The following PACSIN2 variants were observed in gnomAD, a reference collection of about 807,000 sequenced individuals.
PACSIN2 encodes protein kinase C and casein kinase substrate in neurons protein 2.
In PACSIN2, 25 loss-of-function variants were observed where a neutral mutation model predicts 63.8. The ratio of observed to expected loss-of-function variants is 0.39; its 90% CI spans 0.29 to 0.55. The LOEUF is 0.55. Among genes scored for constraint, PACSIN2 ranks in the 20% least tolerant of loss-of-function variants. The pLI, the probability that PACSIN2 is intolerant of heterozygous loss-of-function variation, is 0.62. For missense variants in PACSIN2, 518 were observed against 646.9 expected (o/e 0.80, Z 2.16); for synonymous variants, 255 against 256.2 (o/e 1.00, Z 0.05).
chr22:42,914,762 G>A (rs1931701988), intron 1 of PACSIN2, among the ~76,000 whole-genome samples: 1 of 152,240 alleles, frequency 6.6e-6, no homozygotes. Context: ...CGGACTGAGA[G>A]GCAGCTTGAC....
chr22:42,883,875 A>G (rs191529712), intron 6 of PACSIN2, among the ~76,000 whole-genome samples: 20 of 152,272 alleles, frequency 1.3e-4, no homozygotes, highest in Middle Eastern at 3.4e-3. Context: ...GTGGTGGCGC[A>G]TGCCTGTAAT....
At chr22:42,881,723 C>T (rs1020628951) in intron 7 of PACSIN2, among the ~76,000 whole-genome samples, 1 of 152,184 alleles carries the variant, frequency 6.6e-6, no homozygotes, top group South Asian at 2.1e-4. Context: ...GAATTTACTG[C>T]CTGGAGTAGG....
At chr22:42,892,387 C>T (rs936257882) in intron 3 of PACSIN2, among the ~76,000 whole-genome samples, 1 of 152,156 alleles carries the variant, frequency 6.6e-6, no homozygotes, top group Non-Finnish European at 1.5e-5. Context: ...CAACAGAGAA[C>T]AGCCCCGGAA....
intron 7 of PACSIN2, among the ~76,000 whole-genome samples, chr22:42,879,658 G>A (rs909441412): frequency 5.3e-5 from 8 of 152,274 alleles, no homozygotes; most frequent in South Asian, 2.1e-4. Flanking sequence ...CCTTTGCGTC[G>A]ATGCCCTAAA....
chr22:42,980,509 T>TCCCTCC (rs1457504465), intron 1 of PACSIN2, among the ~76,000 whole-genome samples: 1 of 66,802 alleles, frequency 1.5e-5, no homozygotes, highest in Non-Finnish European at 3.0e-5. Flanking sequence ...CCTCTCCCTC[T>TCCCTCC]CCCTCCACGG....
chr22:42,934,819 C>G (rs1932859827), intron 1 of PACSIN2, among the ~76,000 whole-genome samples: 1 of 152,218 alleles, frequency 6.6e-6, no homozygotes, highest in African/African-American at 2.4e-5. Flanking sequence ...TCACGGTACC[C>G]ACAGCTCCTC....
intron 1 of PACSIN2, among the ~76,000 whole-genome samples, chr22:42,974,506 G>C (rs570276643): frequency 2.6e-5 from 4 of 152,084 alleles, no homozygotes; most frequent in Admixed American, 6.5e-5. Flanking sequence ...CCACATACAG[G>C]CTTCTTGTCT....
chr22:42,910,639 T>C (rs538473580), intron 2 of PACSIN2, among the ~76,000 whole-genome samples: 1 of 152,366 alleles, frequency 6.6e-6, no homozygotes, highest in East Asian at 1.9e-4. Flanking sequence ...GGCGACCTGT[T>C]TGGCTGTCAC....
intron 1 of PACSIN2, among the ~76,000 whole-genome samples, chr22:42,992,679 T>C (rs137949779): frequency 5.3e-5 from 8 of 152,302 alleles, no homozygotes; most frequent in African/African-American, 1.9e-4. Flanking sequence ...TTTCACGACA[T>C]AGCATCTTCA....
chr22:43,004,618 C>T (rs1347573939), intron 1 of PACSIN2, among the ~76,000 whole-genome samples: 7 of 152,078 alleles, frequency 4.6e-5, no homozygotes, highest in Admixed American at 2.0e-4. Flanking sequence ...GCTCGGTTGG[C>T]GACAACATAA....
At chr22:42,996,093 G>A (rs1011903502) in intron 1 of PACSIN2, among the ~76,000 whole-genome samples, 1 of 151,968 alleles carries the variant, frequency 6.6e-6, no homozygotes, top group African/African-American at 2.4e-5. Flanking sequence ...GGTGGTGGGC[G>A]CCTGTAGTCC....
chr22:42,972,278 G>A (rs935946106), intron 1 of PACSIN2, among the ~76,000 whole-genome samples: 1 of 152,196 alleles, frequency 6.6e-6, no homozygotes, highest in Admixed American at 6.5e-5. Context: ...GGTGCACGAT[G>A]TGCTTTGTTA....
intron 1 of PACSIN2, among the ~76,000 whole-genome samples, chr22:42,988,158 A>C (rs1197973949): frequency 6.6e-6 from 1 of 152,136 alleles, no homozygotes; most frequent in South Asian, 2.1e-4. Flanking sequence ...AAATAAATAC[A>C]TAAATGCCTG....
At chr22:42,993,706 G>A (rs193254880) in intron 1 of PACSIN2, 1 of 152,336 alleles carries the variant, frequency 6.6e-6, no homozygotes, top group Admixed American at 6.5e-5. Flanking sequence ...AGACTGGCAG[G>A]AATGCCCCTG....
chr22:42,979,533 A>G lies in PACSIN2; in HGVS notation c.-78+35488T>C, dbSNP rs1321382275. ...AGCAAGACTCCCTCTCAAAAAAAAA[A>G]AAAAAAAAAAAGGAAAGAAAAGAAA... On this transcript the variant is annotated intron_variant, in intron 1 of 10. Transcript: ENST00000263246. Among the ~76,000 whole-genome samples, 23 of 151,288 alleles carry G rather than the reference A, an allele frequency of 1.5e-4. No homozygotes were observed. In the East Asian group the frequency reaches 3.9e-3, roughly 25 times the overall value.
chr22:42,947,620 A>C (rs1312049797), intron 1 of PACSIN2, among the ~76,000 whole-genome samples: 1 of 144,388 alleles, frequency 6.9e-6, no homozygotes, highest in African/African-American at 2.5e-5. Flanking sequence ...TGGATGCACA[A>C]ATCTAGAAGG....
intron 1 of PACSIN2, among the ~76,000 whole-genome samples, chr22:42,950,246 A>G (rs1933621519): frequency 6.6e-6 from 1 of 152,132 alleles, no homozygotes; most frequent in Non-Finnish European, 1.5e-5. Context: ...AAGAGTATAC[A>G]TAAGTTATAT....
chr22:42,999,631 G>T (rs756628437), intron 1 of PACSIN2, among the ~76,000 whole-genome samples: 1 of 152,086 alleles, frequency 6.6e-6, no homozygotes, highest in South Asian at 2.1e-4. Flanking sequence ...TCATGCCATT[G>T]CACTCCAGCC....
rs965613615 is a variant in PACSIN2, at chr22:42,920,595, C to T, written c.-77-8438G>A. Among the ~76,000 whole-genome samples the T allele has an allele frequency of 3.9e-5, 6 of 152,070 alleles. No individual in the cohort carries two copies. In the East Asian group the frequency reaches 5.8e-4, roughly 15 times the overall value. On this transcript the variant is annotated intron_variant, in intron 1 of 10. Coordinates refer to ENST00000263246, the MANE Select transcript of PACSIN2 (RefSeq NM_001184970.3). ...AATTAAGAGGTGGAAGCTGTAACAACGCAGAAACAAGGCCGCACCGCCCAT... is the reference window on the plus strand; with the variant it reads ...AATTAAGAGGTGGAAGCTGTAACAATGCAGAAACAAGGCCGCACCGCCCAT...
Sources: allele counts gnomAD v4.1 joint callset (sites outside exome capture counted in the v4.1 genomes callset), GRCh38; gene constraint gnomAD v4.1.1; transcripts MANE v1.5; gene names NCBI Gene and HGNC (gene_info 2026-07-23, HGNC 2026-07-21).